Variants in SLCO6A1 observed in about 807,000 individuals in gnomAD.
The protein encoded by SLCO6A1 is cancer/testis antigen 48.
In SLCO6A1, 65 loss-of-function variants were observed where a neutral mutation model predicts 72.7. The observed-to-expected ratio is 0.89, with a 90% CI of 0.73 to 1.10. The LOEUF is 1.10. Among genes scored for constraint, SLCO6A1 ranks in the 50% least tolerant of loss-of-function variants. SLCO6A1 has a pLI of 0.00. For missense variants in SLCO6A1, 874 were observed against 872.6 expected (o/e 1.00, Z -0.02); for synonymous variants, 314 against 298.2 (o/e 1.05, Z -0.55).
At chr5:102,423,039 A>G (rs886141377) in intron 7 of SLCO6A1, among the ~76,000 whole-genome samples, 1 of 152,204 alleles carries the variant, frequency 6.6e-6, no homozygotes, top group South Asian at 2.1e-4. Context: ...TTCATAAGTG[A>G]AGGAGAAATA....
chr5:102,397,604 G>A (rs999180728), intron 10 of SLCO6A1, among the ~76,000 whole-genome samples: 22 of 152,132 alleles, frequency 1.4e-4, no homozygotes, highest in African/African-American at 3.9e-4. Context: ...TTTCCTGAGA[G>A]ATTCTTCCTC....
intron 6 of SLCO6A1, 89 bp from the exon 7 acceptor site, chr5:102,438,850 A>T: frequency 1.1e-6 from 1 of 879,390 alleles, no homozygotes; most frequent in East Asian, 3.1e-5. Context: ...TCTGTCTACA[A>T]AAATTTACCA....
At chr5:102,491,503 C>T (rs1752674884) in intron 1 of SLCO6A1, among the ~76,000 whole-genome samples, 1 of 152,208 alleles carries the variant, frequency 6.6e-6, no homozygotes, top group Admixed American at 6.5e-5. Context: ...GAGGCTCAGG[C>T]ATGGCAGGCT....
At chr5:102,383,086 A>ATGTGTGTGTG (rs141906901) in intron 12 of SLCO6A1, among the ~76,000 whole-genome samples, 7 of 116,326 alleles carry the variant, frequency 6.0e-5, no homozygotes, top group African/African-American at 2.7e-4. Flanking sequence ...GTGTATGTAT[A>ATGTGTGTGTG]TGTGTGTGAA....
At chr5:102,382,972 T>C (rs1746196135) in intron 12 of SLCO6A1, among the ~76,000 whole-genome samples, 1 of 149,544 alleles carries the variant, frequency 6.7e-6, no homozygotes, top group Non-Finnish European at 1.5e-5. Context: ...TATGTGTATA[T>C]ATATGAGAGA....
chr5:102,381,879 T>C (rs1746130219), intron 12 of SLCO6A1, among the ~76,000 whole-genome samples: 1 of 151,656 alleles, frequency 6.6e-6, no homozygotes, highest in Admixed American at 6.6e-5. Flanking sequence ...TTAAGAAATA[T>C]CCTTTCATGT....
rs560603454 is a variant in SLCO6A1, at chr5:102,454,329, T to C, written c.1131+4053A>G. Among the ~76,000 whole-genome samples the C allele has an allele frequency of 1.1e-4, 16 of 152,340 alleles. No individual in the cohort carries two copies. The South Asian group carries it at 2.5e-3, about 24-fold the overall frequency. On this transcript the variant is annotated intron_variant, in intron 6 of 13. Coordinates refer to ENST00000506729, the MANE Select transcript of SLCO6A1 (RefSeq NM_173488.5). ...TTAAATGCCACAGACCCTACTCTTC[T>C]AACCAATGCTCAATAATTCTTGAAT...
chr5:102,410,044 C>G (rs1386660958), intron 9 of SLCO6A1, among the ~76,000 whole-genome samples: 1 of 152,116 alleles, frequency 6.6e-6, no homozygotes, highest in Non-Finnish European at 1.5e-5. Flanking sequence ...GCTAATGTGC[C>G]TTTGCCCAAG....
chr5:102,485,578 C>G (rs936980726), intron 1 of SLCO6A1, among the ~76,000 whole-genome samples: 2 of 152,258 alleles, frequency 1.3e-5, no homozygotes, highest in African/African-American at 4.8e-5. Flanking sequence ...TGAAGGCTCA[C>G]GTAAGCTTCC....
chr5:102,477,688 C>T lies in SLCO6A1; in HGVS notation c.790G>A (p.Gly264Ser). The T allele has an allele frequency of 1.2e-6, 2 of 1,610,360 alleles. No individual in the cohort carries two copies. Among genetic ancestry groups the T allele is most frequent in the African/African-American group, 2.7e-5 (2 of 74,810 alleles). The stretch of plus-strand genomic sequence containing the variant: ...GGGTAAAACTTGCCTAAATAGATAC[C>T]AGCTGAGTGTGTAGCAACATTCTCA... The part of the protein sequence containing the change: ...IDENVATHSA[G>S]IYLGIAECTS... Residue 264 changes from glycine (G) to serine (S), a missense_variant, in exon 3 of 14, where the codon GGT (glycine) becomes AGT (serine). By Grantham distance (56) the Gly-to-Ser change is moderately conservative. Transcript: ENST00000506729.
intron 11 of SLCO6A1, among the ~76,000 whole-genome samples, chr5:102,389,334 C>A (rs896674924): frequency 2.6e-5 from 4 of 151,886 alleles, no homozygotes; most frequent in African/African-American, 9.7e-5. Flanking sequence ...GACCTCAGAT[C>A]CAGAGGACCA....
At chr5:102,437,729 A>G (rs1237135785) in intron 7 of SLCO6A1, among the ~76,000 whole-genome samples, 1 of 151,986 alleles carries the variant, frequency 6.6e-6, no homozygotes, top group Non-Finnish European at 1.5e-5. Context: ...TTTGCTTTCT[A>G]TTTTGCCCAC....
chr5:102,451,407 A>T (rs548006099), intron 6 of SLCO6A1, among the ~76,000 whole-genome samples: 2 of 152,268 alleles, frequency 1.3e-5, no homozygotes, highest in African/African-American at 4.8e-5. Flanking sequence ...TATGGCCCCT[A>T]TCCTGGGGGC....
intron 6 of SLCO6A1, among the ~76,000 whole-genome samples, chr5:102,446,231 T>C (rs1240847247): frequency 6.6e-6 from 1 of 152,224 alleles, no homozygotes; most frequent in East Asian, 1.9e-4. Context: ...TTTGTTTGTG[T>C]TGTCTTTGAT....
chr5:102,458,832 A>C (rs1580464784), intron 5 of SLCO6A1, among the ~76,000 whole-genome samples: 1 of 152,310 alleles, frequency 6.6e-6, no homozygotes, highest in South Asian at 2.1e-4. Flanking sequence ...GATTTGCCCT[A>C]AAATATGAGG....
At chr5:102,466,199 G>A (rs530791045) in intron 4 of SLCO6A1, among the ~76,000 whole-genome samples, 13 of 151,724 alleles carry the variant, frequency 8.6e-5, no homozygotes, top group Non-Finnish European at 1.9e-4. Context: ...CCTCCAGTAG[G>A]CCACAGCTAT....
intron 6 of SLCO6A1, among the ~76,000 whole-genome samples, chr5:102,455,195 T>C (rs1418831342): frequency 6.6e-6 from 1 of 151,738 alleles, no homozygotes; most frequent in Non-Finnish European, 1.5e-5. Context: ...ACTATAAAAT[T>C]ACCTAATGTG....
At chr5:102,486,928 A>T (rs975926068) in intron 1 of SLCO6A1, among the ~76,000 whole-genome samples, 3 of 152,190 alleles carry the variant, frequency 2.0e-5, no homozygotes, top group Non-Finnish European at 2.9e-5. Context: ...ATTTCACAAA[A>T]AATAAATTAT....
At chr5:102,383,007 A>G (rs1237560601) in intron 12 of SLCO6A1, among the ~76,000 whole-genome samples, 1 of 148,596 alleles carries the variant, frequency 6.7e-6, no homozygotes, top group Non-Finnish European at 1.5e-5. Context: ...TATATATGAA[A>G]AGTCTATTGT....
Sources: allele counts gnomAD v4.1 joint callset (sites outside exome capture counted in the v4.1 genomes callset), GRCh38; gene constraint gnomAD v4.1.1; transcripts MANE v1.5; gene names NCBI Gene and HGNC (gene_info 2026-07-23, HGNC 2026-07-21).